The following FAM81A variants were observed in gnomAD, a reference collection of about 807,000 sequenced individuals.
FAM81A encodes the protein protein FAM81A.
In FAM81A, 19 loss-of-function variants were observed where a neutral mutation model predicts 46.7. The ratio of observed to expected loss-of-function variants is 0.41; its 90% confidence interval spans 0.28 to 0.60. The LOEUF is 0.60. Among genes scored for constraint, FAM81A ranks in the 20% least tolerant of loss-of-function variants. The probability of loss-of-function intolerance (pLI) is 0.34; values close to 1 mark genes in which losing one functional copy is unlikely to be tolerated. For synonymous variants in FAM81A, 183 were observed against 152.9 expected (o/e 1.20, Z -1.45); for missense variants, 377 against 453.5 (o/e 0.83, Z 1.53).
At chr15:59,455,592 GC>G (rs2081473861) in intron 1 of FAM81A, among the ~76,000 whole-genome samples, 1 of 152,202 alleles carries the variant, frequency 6.6e-6, no homozygotes, top group South Asian at 2.1e-4. Context: ...CAAGCGACCT[GC>G]CAGATATGCA....
chr15:59,517,090 A>C (rs1432178002), intron 8 of FAM81A, among the ~76,000 whole-genome samples: 13 of 152,180 alleles, frequency 8.5e-5, no homozygotes, highest in Admixed American at 7.9e-4. Context: ...CAACTGAGGT[A>C]CATTTTCTTC....
At chr15:59,410,010 T>A (rs555817626) in intron 2 of FAM81A, among the ~76,000 whole-genome samples, 8 of 152,054 alleles carry the variant, frequency 5.3e-5, no homozygotes, top group Non-Finnish European at 1.2e-4. Context: ...ATATAGAAAT[T>A]ACTAGTGCAG....
intron 1 of FAM81A, chr15:59,402,107 G>C (rs1228789130): frequency 2.2e-5 from 9 of 415,238 alleles, no homozygotes; most frequent in Non-Finnish European, 4.3e-6. Context: ...AGGCCTGACA[G>C]GAGAGTGATT....
intron 4 of FAM81A, among the ~76,000 whole-genome samples, chr15:59,497,402 T>C (rs8036164): frequency 0.13 from 19,908 of 151,798 alleles, 2,192 homozygotes; most frequent in African/African-American, 0.3. Context: ...GCCGAGGTTG[T>C]GCCACTGCAC....
chr15:59,407,261 A>G (rs1264557512), intron 2 of FAM81A: 1 of 146,178 alleles, frequency 6.8e-6, no homozygotes, highest in African/African-American at 2.5e-5. Flanking sequence ...ACTATCAACT[A>G]TCATCACCCA....
At chr15:59,491,640 T>A (rs113962747) in intron 3 of FAM81A, among the ~76,000 whole-genome samples, 3,595 of 152,274 alleles carry the variant, frequency 0.024, 68 homozygotes, top group Middle Eastern at 0.11. Context: ...CTGATGTGAT[T>A]ATTACACATT....
rs1329842175 is a variant in FAM81A, at chr15:59,523,493, C to T, written c.*2115C>T. The T allele has an allele frequency of 1.3e-5, 2 of 152,208 alleles. No individual in the cohort carries two copies. The highest frequency in any genetic ancestry group is 6.5e-5 in the Admixed American group (1 of 15,272). 9.4% of individuals were successfully genotyped at this position (152,208 alleles called of 1,614,324 possible). On this transcript the variant is annotated 3_prime_UTR_variant, in exon 9 of 9. Transcript: ENST00000288228. ...TCACCAAAGCTCAAATGAGAATCAG[C>T]TTCCATGTTCTTTCCTTTACCAGAA...
chr15:59,471,519 G>T (rs1485154563), intron 3 of FAM81A, among the ~76,000 whole-genome samples: 1 of 152,034 alleles, frequency 6.6e-6, no homozygotes, highest in Non-Finnish European at 1.5e-5. Context: ...CTGGAGTGCA[G>T]TGGTGCAATC....
chr15:59,432,608 A>C (rs1395487497), intron 2 of FAM81A, among the ~76,000 whole-genome samples: 2 of 152,212 alleles, frequency 1.3e-5, no homozygotes, highest in Non-Finnish European at 2.9e-5. Flanking sequence ...CTAGAACTTA[A>C]TAGCTTTGGG....
At chr15:59,488,053 G>T (rs369461609) in intron 3 of FAM81A, among the ~76,000 whole-genome samples, 1 of 152,270 alleles carries the variant, frequency 6.6e-6, no homozygotes, top group Admixed American at 6.5e-5. Context: ...TCAGCAACAT[G>T]TTAAAAAGAT....
chr15:59,522,928 A>T lies in FAM81A; in HGVS notation c.*1550A>T, dbSNP rs2082341589. The T allele has an allele frequency of 6.6e-6, 1 of 152,484 alleles. No individual in the cohort carries two copies. Among genetic ancestry groups the T allele is most frequent in the Non-Finnish European group, 1.5e-5 (1 of 68,006 alleles). 9.4% of individuals were successfully genotyped at this position (152,484 alleles called of 1,614,324 possible). On this transcript the variant is annotated 3_prime_UTR_variant, in exon 9 of 9. Coordinates refer to ENST00000288228, the MANE Select transcript of FAM81A (RefSeq NM_152450.3). ...ATAGGGACTATATTATCCAACACATATTTTCTTATTTTGCCACAAATTTCC... is the reference window on the plus strand; with the variant it reads ...ATAGGGACTATATTATCCAACACATTTTTTCTTATTTTGCCACAAATTTCC...
At chr15:59,478,873 T>C (rs796444118) in intron 3 of FAM81A, among the ~76,000 whole-genome samples, 7 of 152,332 alleles carry the variant, frequency 4.6e-5, no homozygotes, top group African/African-American at 9.6e-5. Flanking sequence ...GAACCAGAGA[T>C]TGATAACAGC....
chr15:59,451,569 G>T (rs968563093), intron 1 of FAM81A, among the ~76,000 whole-genome samples: 1 of 151,778 alleles, frequency 6.6e-6, no homozygotes, highest in Non-Finnish European at 1.5e-5. Context: ...TCTTCTGCCT[G>T]AGCCTTCCGA....
intron 1 of FAM81A, among the ~76,000 whole-genome samples, chr15:59,447,572 T>C (rs1267371527): frequency 9.9e-5 from 15 of 152,186 alleles, no homozygotes. Flanking sequence ...GACAGTGTGG[T>C]TAATTTGTGG....
intron 4 of FAM81A, among the ~76,000 whole-genome samples, chr15:59,505,789 C>T (rs375056664): frequency 9.2e-4 from 140 of 152,258 alleles, no homozygotes; most frequent in African/African-American, 3.2e-3. Context: ...TCAGTCCCTA[C>T]GAGACAAAGA....
At chr15:59,519,386 A>C (rs1017463701) in intron 8 of FAM81A, among the ~76,000 whole-genome samples, 1 of 151,700 alleles carries the variant, frequency 6.6e-6, no homozygotes, top group African/African-American at 2.4e-5. Context: ...ATGGAGTTTC[A>C]TGGTGTTGGC....
chr15:59,448,370 C>T (rs902348012), intron 1 of FAM81A, among the ~76,000 whole-genome samples: 1 of 152,052 alleles, frequency 6.6e-6, no homozygotes, highest in Non-Finnish European at 1.5e-5. Flanking sequence ...GAGTGAGACT[C>T]TGCCTGAAAA....
intron 1 of FAM81A, among the ~76,000 whole-genome samples, chr15:59,455,696 C>T (rs1172573209): frequency 1.3e-5 from 2 of 152,112 alleles, no homozygotes; most frequent in African/African-American, 2.4e-5. Context: ...AGCTGCATAG[C>T]GCTTAGGAGG....
chr15:59,502,908 C>T (rs1330286139), intron 4 of FAM81A, among the ~76,000 whole-genome samples: 2 of 151,834 alleles, frequency 1.3e-5, no homozygotes, highest in African/African-American at 2.4e-5. Context: ...CAAAAGTACA[C>T]GAGGGATGTG....
Sources: gnomAD v4.1 joint callset for allele counts (sites outside exome capture counted in the v4.1 genomes callset) on GRCh38, gnomAD v4.1.1 for gene constraint, MANE v1.5 for transcripts, NCBI Gene and HGNC (gene_info 2026-07-23, HGNC 2026-07-21) for gene names.